Variants in PCNT observed in about 807,000 individuals in gnomAD.
PCNT encodes the protein kendrin.
Under a neutral mutation model 380.4 loss-of-function variants are expected in PCNT, and 319 were observed. The observed-to-expected ratio is 0.84, with a 90% CI of 0.77 to 0.92. PCNT has a LOEUF of 0.92. PCNT is among the 40% of genes least tolerant of loss of function. The pLI is 0.00. For missense variants in PCNT, 4,400 were observed against 4,255.3 expected, an observed-to-expected ratio of 1.03 and a Z score of -0.95; for synonymous variants, 1,845 against 1,735.2, an observed-to-expected ratio of 1.06 and a Z score of -1.57.
chr21:46,411,864 CGCCAGCTGCAGGT>C lies in PCNT; in HGVS notation c.5794_5806del (p.Gln1932CysfsTer6). ...CCGAGCGCAGTGTGCCCGCCTCAGCCGCCAGCTGCAGGTGCTGCACCAGCGGTTCCTGAGGTGC... is the reference window on the plus strand; with the variant it reads ...CCGAGCGCAGTGTGCCCGCCTCAGCCGCTGCACCAGCGGTTCCTGAGGTGC... On this transcript the variant is annotated frameshift_variant, in exon 28 of 47. Coordinates refer to ENST00000359568, the MANE Select transcript of PCNT (RefSeq NM_006031.6). LOFTEE classifies it high-confidence loss of function. 6.4e-7 allele frequency: 1 copy of C among 1,564,418 alleles called. No homozygotes were observed. The highest frequency in any genetic ancestry group is 8.6e-7 in the Non-Finnish European group (1 of 1,161,912).
intron 3 of PCNT, among the ~76,000 whole-genome samples, chr21:46,337,468 C>G (rs950906769): frequency 1.3e-5 from 2 of 152,218 alleles, no homozygotes; most frequent in African/African-American, 4.8e-5. Flanking sequence ...CTTCCCCAGC[C>G]CTTCACTAAG....
intron 24 of PCNT, 80 bp downstream of exon 24, chr21:46,398,335 C>A: frequency 1.4e-6 from 2 of 1,420,412 alleles, no homozygotes; most frequent in Non-Finnish European, 1.9e-6. Context: ...GTCCTGCCAC[C>A]CACTCGCTTT....
intron 2 of PCNT, among the ~76,000 whole-genome samples, chr21:46,333,560 C>T (rs1489606948): frequency 6.6e-6 from 1 of 151,296 alleles, no homozygotes; most frequent in African/African-American, 2.4e-5. Flanking sequence ...GAGCCGAGGT[C>T]ATGCCACCAG....
intron 28 of PCNT, 117 bp downstream of exon 28, chr21:46,412,184 A>C: frequency 8.0e-7 from 1 of 1,251,720 alleles, no homozygotes; most frequent in Non-Finnish European, 1.1e-6. Context: ...ATGGTGGCTC[A>C]TGACACAGCG....
chr21:46,385,950 T>C lies in PCNT; in HGVS notation c.3431T>C (p.Leu1144Pro), dbSNP rs1367797205. The C allele has an allele frequency of 6.2e-7, 1 of 1,614,110 alleles. No homozygotes were observed. ...GAAGGCGCAAACCTCCTCTCCATGC[T>C]CAAGGCCGACGTCAACCTGTCCCAC... ...NREGANLLSM[L>P]KADVNLSHSE... is the part of the protein sequence containing the mutation. The change falls in exon 17 of 47, where the codon CTC becomes CCC. Residue 1144 changes from leucine (L) to proline (P), a missense_variant. Coordinates refer to ENST00000359568, the MANE Select transcript of PCNT (RefSeq NM_006031.6).
Position 46,438,192 on chromosome 21 carries a change from A to G in PCNT, c.9128A>G (p.Gln3043Arg), listed in dbSNP as rs747647379. ...AAAATGGCAGCAGAGCTGCAGTTCC[A>G]GTTTGTGGACGTCCTGCTGAAAGAC... ...QKKMAAELQF[Q>R]FVDVLLKDNV... Residue 3043 changes from glutamine (Q) to arginine (R), a missense_variant, in exon 41 of 47, where the codon CAG becomes CGG. Transcript: ENST00000359568. 234 of 1,614,034 alleles carry G rather than the reference A, an allele frequency of 1.4e-4. 1 individual carries two copies. Among genetic ancestry groups the G allele is most frequent in the Non-Finnish European group, 1.9e-4 (220 of 1,179,970 alleles).
chr21:46,374,189 C>T (rs751482447), intron 15 of PCNT, among the ~76,000 whole-genome samples: 4 of 152,104 alleles, frequency 2.6e-5, no homozygotes, highest in South Asian at 2.1e-4. Context: ...CCCCCGGTCC[C>T]GCTGGTTAGT....
intron 27 of PCNT, among the ~76,000 whole-genome samples, chr21:46,410,790 G>A (rs2086760784): frequency 6.6e-6 from 1 of 152,188 alleles, no homozygotes; most frequent in South Asian, 2.1e-4. Context: ...CAGATTCTCT[G>A]CCTAGGTTTC....
At chr21:46,442,253 C>T (rs577613819) in intron 43 of PCNT, among the ~76,000 whole-genome samples, 121 of 152,242 alleles carry the variant, frequency 7.9e-4, no homozygotes, top group Non-Finnish European at 1.4e-3. Context: ...GGTGGGGCCG[C>T]AGTGAGGCTT....
intron 15 of PCNT, among the ~76,000 whole-genome samples, chr21:46,369,462 C>T (rs1198471580): frequency 6.6e-6 from 1 of 152,252 alleles, no homozygotes; most frequent in African/African-American, 2.4e-5. Context: ...AGCTGCCCTC[C>T]AGGCCAGTCC....
chr21:46,412,171 G>A, intron 28 of PCNT, 104 bp downstream of exon 28: 1 of 1,348,654 alleles, frequency 7.4e-7, no homozygotes, highest in Non-Finnish European at 1.0e-6. Flanking sequence ...GGCTGCAGTT[G>A]TCATGGTGGC....
chr21:46,444,920 CAA>C, intron 46 of PCNT, 99 bp downstream of exon 46: 1 of 1,134,838 alleles, frequency 8.8e-7, no homozygotes, highest in South Asian at 1.2e-5. Flanking sequence ...GCTTAGTAAC[CAA>C]AGTTTCAGTC....
chr21:46,396,977 C>T (rs1376922818), intron 21 of PCNT, among the ~76,000 whole-genome samples: 3 of 152,148 alleles, frequency 2.0e-5, no homozygotes, highest in African/African-American at 4.8e-5. Flanking sequence ...CTCTCAGCAC[C>T]GTCCGTCGTC....
chr21:46,411,760 T>G lies in PCNT; in HGVS notation c.5687T>G (p.Leu1896Trp). Residue 1896 changes from leucine to tryptophan, a missense_variant, in exon 28 of 47, where the codon TTG becomes TGG. Transcript: ENST00000359568. ...AHSAELEAVL[L>W]ALARIRRALE... The stretch of plus-strand genomic sequence containing the variant: ...TCTGCCGAGCTGGAGGCCGTCCTGT[T>G]GGCCTTGGCCCGCATCCGCCGCGCC... 1 of 1,609,904 alleles carries G rather than the reference T, an allele frequency of 6.2e-7. No individual in the cohort carries two copies. Among genetic ancestry groups the G allele is most frequent in the African/African-American group, 1.3e-5 (1 of 75,026 alleles).
Position 46,411,809 on chromosome 21 carries a change from CG to C in PCNT, c.5740del (p.Ala1914ArgfsTer28). ...CCCTGGAGCAGCAGCCCCTGGCAGC[CG>C]GGGCGGCGCCTCCCGAGCTGCAGTG... ...RALEQQPLAA[G>X]AAPPELQWLR... On this transcript the variant is annotated frameshift_variant, in exon 28 of 47. Coordinates refer to ENST00000359568, the MANE Select transcript of PCNT (RefSeq NM_006031.6). LOFTEE classifies it high-confidence loss of function. The C allele has an allele frequency of 1.3e-6, 2 of 1,584,908 alleles. No individual in the cohort carries two copies.
chr21:46,366,309 C>A (rs1218644071), intron 14 of PCNT, among the ~76,000 whole-genome samples: 3 of 152,146 alleles, frequency 2.0e-5, no homozygotes, highest in Admixed American at 6.5e-5. Context: ...CCATCTCTTG[C>A]TGAGGGCGCT....
At chr21:46,324,716 TCCGGGA>T (rs1555939070) in intron 1 of PCNT, 8 of 229,496 alleles carry the variant, frequency 3.5e-5, no homozygotes, top group Non-Finnish European at 3.6e-5. Context: ...TCCCGCGTCC[TCCGGGA>T]CCGGGTGGCC....
At chr21:46,392,287 T>G (rs974744504) in intron 21 of PCNT, among the ~76,000 whole-genome samples, 1 of 152,158 alleles carries the variant, frequency 6.6e-6, no homozygotes, top group Non-Finnish European at 1.5e-5. Flanking sequence ...TGGCGTGATC[T>G]CAGTTCACTG....
intron 21 of PCNT, among the ~76,000 whole-genome samples, chr21:46,395,653 T>A (rs961192334): frequency 2.7e-4 from 41 of 151,832 alleles, no homozygotes; most frequent in African/African-American, 9.9e-4. Flanking sequence ...GAAATAATAG[T>A]AATAAAATAG....
Sources: allele counts gnomAD v4.1 joint callset (sites outside exome capture counted in the v4.1 genomes callset), GRCh38; gene constraint gnomAD v4.1.1; transcripts MANE v1.5; gene names NCBI Gene and HGNC (gene_info 2026-07-23, HGNC 2026-07-21).